EXOSC4: variants seen among roughly 807,000 people sequenced by gnomAD.
The protein encoded by EXOSC4 is exosome complex component RRP41.
A neutral mutation model predicts 20.0 loss-of-function variants in EXOSC4; 14 were observed. The ratio of observed to expected loss-of-function variants is 0.70; its 90% CI spans 0.46 to 1.09. The LOEUF is 1.09. Ranked by LOEUF, EXOSC4 falls within the 50% of genes least tolerant of loss-of-function variation. EXOSC4 has a pLI of 0.00. For synonymous variants in EXOSC4, 148 were observed against 146.4 expected (o/e 1.01, Z -0.08); for missense variants, 337 against 334.0 (o/e 1.01, Z -0.07).
the EXOSC4 span, among the ~76,000 whole-genome samples, chr8:144,070,685 G>A: frequency 6.1e-4 from 93 of 151,774 alleles, 1 homozygote; most frequent in Middle Eastern, 6.3e-3. Context: ...AACATTAGCC[G>A]GGCATGGTGG....
At chr8:144,067,733 C>A in the EXOSC4 span, among the ~76,000 whole-genome samples, 2 of 152,222 alleles carry the variant, frequency 1.3e-5, no homozygotes, top group Non-Finnish European at 2.9e-5. Flanking sequence ...GTTGGCCGGG[C>A]ACAGTGGCAC....
upstream of EXOSC4, among the ~76,000 whole-genome samples, chr8:144,076,899 C>G (rs539648040): frequency 6.7e-6 from 1 of 149,760 alleles, no homozygotes; most frequent in African/African-American, 2.6e-5. Flanking sequence ...AACCCCATCT[C>G]TACTAAAACT....
the EXOSC4 span, among the ~76,000 whole-genome samples, chr8:144,064,973 C>G: frequency 6.6e-6 from 1 of 151,944 alleles, no homozygotes; most frequent in Non-Finnish European, 1.5e-5. Context: ...TGCCAAGTAG[C>G]TGGGACTACA....
the EXOSC4 span, among the ~76,000 whole-genome samples, chr8:144,064,194 T>G: frequency 1.3e-5 from 2 of 152,204 alleles, no homozygotes; most frequent in Admixed American, 1.3e-4. Flanking sequence ...ATCCTCCTCC[T>G]AGAAGATGGA....
Position 144,078,680 on chromosome 8 carries a change from C to A in EXOSC4, c.-49C>A, listed in dbSNP as rs1564301679. 4 of 1,350,226 alleles carry A rather than the reference C, an allele frequency of 3.0e-6. No homozygotes were observed. The highest frequency in any genetic ancestry group is 3.8e-6 in the Non-Finnish European group (4 of 1,044,754). The allele number at this position is 1,350,226 out of a possible 1,614,324, so 83.6% of individuals were successfully genotyped here. On this transcript the variant is annotated 5_prime_UTR_variant, in exon 1 of 3. Coordinates refer to ENST00000316052, the MANE Select transcript of EXOSC4 (RefSeq NM_019037.3). This position sits in a 1 kb window ranked among gnomAD's most constrained non-coding sequence, Gnocchi z 4.7. Reference sequence around the variant, plus strand: ...CGGAGCCGCCGGGAGCTGTAGTTCTCCCGCGGCTCAGAGAAGTAGGCAGAG... The same window carrying A: ...CGGAGCCGCCGGGAGCTGTAGTTCTACCGCGGCTCAGAGAAGTAGGCAGAG...
chr8:144,066,436 CTTTT>C, the EXOSC4 span, among the ~76,000 whole-genome samples: 2 of 98,070 alleles, frequency 2.0e-5, no homozygotes, highest in Non-Finnish European at 3.9e-5. Flanking sequence ...GAGTTTTTCT[CTTTT>C]TTTTTTTTTT....
chr8:144,078,634 A>G (rs577014328), upstream of EXOSC4: 6 of 1,303,050 alleles, frequency 4.6e-6, no homozygotes, highest in East Asian at 9.5e-5. The surrounding 1 kb of genome is among the most constrained non-coding windows in gnomAD (Gnocchi z 4.7). Flanking sequence ...GGACCTCCGG[A>G]AACCGTAGAT....
the EXOSC4 span, among the ~76,000 whole-genome samples, chr8:144,070,055 G>A: frequency 4.7e-3 from 713 of 152,346 alleles, 6 homozygotes; most frequent in Non-Finnish European, 8.1e-3. Context: ...TTTATGTGTG[G>A]GTTTAAGGCA....
chr8:144,064,120 C>G, the EXOSC4 span, among the ~76,000 whole-genome samples: 1 of 152,240 alleles, frequency 6.6e-6, no homozygotes, highest in East Asian at 1.9e-4. Context: ...GACCTCCAGC[C>G]CCCTGAGGGC....
In EXOSC4 at chr8:144,078,919, G is replaced by A; in HGVS notation, c.171+20G>A. 6.9e-7 allele frequency: 1 copy of A among 1,456,720 alleles called. No homozygotes were observed. The highest frequency in any genetic ancestry group is 9.1e-7 in the Non-Finnish European group (1 of 1,100,830). The allele number at this position is 1,456,720 out of a possible 1,614,324, so 90.2% of individuals were successfully genotyped here. ...CACGAGGCGAGTGGGCGCGCGGGAT[G>A]GGGAATCGTGTGGCCGTGGGAGCTG... is the stretch of plus-strand genomic sequence containing the variant. On this transcript the variant is annotated intron_variant, in intron 1 of 2. Coordinates refer to ENST00000316052, the MANE Select transcript of EXOSC4 (RefSeq NM_019037.3). The surrounding 1 kb of genome is among the most constrained non-coding windows in gnomAD (Gnocchi z 4.7).
At chr8:144,069,429 A>G in the EXOSC4 span, among the ~76,000 whole-genome samples, 8 of 152,330 alleles carry the variant, frequency 5.3e-5, no homozygotes, top group Non-Finnish European at 1.2e-4. Context: ...TGCCTCTTCC[A>G]GTTCCTGGTG....
Position 144,080,377 on chromosome 8 carries a change from G to T in EXOSC4, c.514G>T (p.Asp172Tyr). Residue 172 changes from aspartate (D) to tyrosine (Y), a missense_variant, in exon 3 of 3, where the codon GAC becomes TAC. Asp to Tyr is a radical substitution (Grantham distance 160, BLOSUM62 -3). Transcript: ENST00000316052. The surrounding 1 kb of genome is among the most constrained non-coding windows in gnomAD (Gnocchi z 4.9). Reference protein sequence around the residue: ...AGFVDGTALADLSHVEEAAGG... With the variant: ...AGFVDGTALAYLSHVEEAAGG... Reference sequence around the variant, plus strand: ...CTTCGTGGACGGCACAGCCCTGGCGGACCTCAGCCATGTGGAGGAAGCAGC... The same window carrying T: ...CTTCGTGGACGGCACAGCCCTGGCGTACCTCAGCCATGTGGAGGAAGCAGC... The T allele has an allele frequency of 6.2e-7, 1 of 1,612,414 alleles. No homozygotes were observed. The highest frequency in any genetic ancestry group is 1.3e-5 in the African/African-American group (1 of 75,050).
chr8:144,076,191 G>A (rs922197415), upstream of EXOSC4, among the ~76,000 whole-genome samples: 1 of 152,186 alleles, frequency 6.6e-6, no homozygotes, highest in Non-Finnish European at 1.5e-5. Flanking sequence ...AGCTTCCCTG[G>A]CAGACAGCAT....
At chr8:144,071,108 C>T in the EXOSC4 span, among the ~76,000 whole-genome samples, 1 of 151,734 alleles carries the variant, frequency 6.6e-6, no homozygotes, top group South Asian at 2.1e-4. Context: ...GGGCCATCGG[C>T]CAATCCTAAC....
At chr8:144,079,150 C>A (rs1390154050) in intron 1 of EXOSC4, 1 of 392,368 alleles carries the variant, frequency 2.5e-6, no homozygotes. Context: ...CTAGGCACTC[C>A]CCCACTCGCT....
chr8:144,078,696 G>A lies in EXOSC4; in HGVS notation c.-33G>A, dbSNP rs782658839. On this transcript the variant is annotated 5_prime_UTR_variant, in exon 1 of 3. Coordinates refer to ENST00000316052, the MANE Select transcript of EXOSC4 (RefSeq NM_019037.3). The surrounding 1 kb of genome is among the most constrained non-coding windows in gnomAD (Gnocchi z 4.7). ...TGTAGTTCTCCCGCGGCTCAGAGAAGTAGGCAGAGAGCGGACCTGGCGGCC... is the reference window on the plus strand; with the variant it reads ...TGTAGTTCTCCCGCGGCTCAGAGAAATAGGCAGAGAGCGGACCTGGCGGCC... 30 of 1,383,558 alleles carry A rather than the reference G, an allele frequency of 2.2e-5. No individual in the cohort carries two copies. The highest frequency in any genetic ancestry group is 1.8e-4 in the South Asian group (11 of 60,994). The allele number at this position is 1,383,558 out of a possible 1,614,324, so 85.7% of individuals were successfully genotyped here.
Position 144,078,987 on chromosome 8 carries a change from A to G in EXOSC4, c.171+88A>G, listed in dbSNP as rs1391743538. The G allele has an allele frequency of 6.9e-6, 9 of 1,297,712 alleles. No homozygotes were observed. The African/African-American group carries it at 1.2e-4, about 18-fold the overall frequency. 80.4% of individuals were successfully genotyped at this position (1,297,712 alleles called of 1,614,324 possible). ...GCGCTGGCTCGGGGACTTGAGGGGCAACGGCCGGCGCGCCTCAGTCTACAC... is the reference window on the plus strand; with the variant it reads ...GCGCTGGCTCGGGGACTTGAGGGGCGACGGCCGGCGCGCCTCAGTCTACAC... On this transcript the variant is annotated intron_variant, in intron 1 of 2. Coordinates refer to ENST00000316052, the MANE Select transcript of EXOSC4 (RefSeq NM_019037.3). This position sits in a 1 kb window ranked among gnomAD's most constrained non-coding sequence, Gnocchi z 4.7.
At position 144,080,398 on chromosome 8, in the gene EXOSC4, G is replaced by T; in HGVS notation, c.535G>T (p.Ala179Ser). ...GGCGGACCTCAGCCATGTGGAGGAA[G>T]CAGCTGGTGGCCCCCAGCTGGCCCT... ...ALADLSHVEE[A>S]AGGPQLALAL... The change falls in exon 3 of 3, where the codon GCA becomes TCA. Residue 179 changes from alanine (A) to serine (S), a missense_variant. Ala to Ser is a moderately conservative substitution (Grantham distance 99). Transcript: ENST00000316052. This position sits in a 1 kb window ranked among gnomAD's most constrained non-coding sequence, Gnocchi z 4.9. The T allele has an allele frequency of 1.9e-6, 3 of 1,611,530 alleles. No homozygotes were observed. The highest frequency in any genetic ancestry group is 1.7e-6 in the Non-Finnish European group (2 of 1,180,016).
upstream of EXOSC4, among the ~76,000 whole-genome samples, chr8:144,074,017 G>C (rs1168570725): frequency 6.6e-6 from 1 of 152,166 alleles, no homozygotes; most frequent in Non-Finnish European, 1.5e-5. Context: ...CCCTTCCAGG[G>C]AGGGGCACTT....
Sources: gnomAD v4.1 joint callset for allele counts (sites outside exome capture counted in the v4.1 genomes callset) on GRCh38, gnomAD v4.1.1 for gene constraint, Gnocchi (gnomAD v3.1) non-coding constraint, MANE v1.5 for transcripts, NCBI Gene and HGNC (gene_info 2026-07-23, HGNC 2026-07-21) for gene names.